The following DYSF variants were observed in gnomAD, a reference collection of about 807,000 sequenced individuals.
The protein encoded by DYSF is dystrophy-associated fer-1-like 1.
DYSF carries 212 observed loss-of-function variants against 274.9 expected under a neutral mutation model. That is an observed-to-expected ratio of 0.77 (90% CI 0.69 to 0.86). The LOEUF is 0.86. Ranked by LOEUF, DYSF falls within the 40% of genes least tolerant of loss-of-function variation. The pLI is 0.00. For synonymous variants in DYSF, 1,091 were observed against 1,078.7 expected, an observed-to-expected ratio of 1.01 and a Z score of -0.22; for missense variants, 2,666 against 2,783.2, an observed-to-expected ratio of 0.96 and a Z score of 0.95.
chr2:71,552,880 CACCCGT>C (rs2091047415), intron 19 of DYSF, 125 bp from the exon 20 acceptor site: 20 of 884,710 alleles, frequency 2.3e-5, no homozygotes, highest in African/African-American at 6.6e-5. Context: ...GGCTACTTGC[CACCCGT>C]CAGTCCAGCC....
chr2:71,660,433 G>A (rs1181416386), intron 44 of DYSF, 127 bp from the exon 45 acceptor site: 1 of 798,084 alleles, frequency 1.3e-6, no homozygotes, highest in Non-Finnish European at 2.2e-6. Flanking sequence ...TGTCTTGGCA[G>A]GACACAGCCC....
At chr2:71,490,855 T>C (rs746576503) in intron 3 of DYSF, among the ~76,000 whole-genome samples, 1 of 152,344 alleles carries the variant, frequency 6.6e-6, no homozygotes, top group African/African-American at 2.4e-5. Flanking sequence ...TGTACTCTCA[T>C]TGACTGATAT....
intron 33 of DYSF, among the ~76,000 whole-genome samples, chr2:71,599,727 G>T (rs886185666): frequency 1.5e-4 from 23 of 152,238 alleles, no homozygotes; most frequent in Non-Finnish European, 2.8e-4. Context: ...GATGAAAGGG[G>T]AGGGGCTGGG....
chr2:71,546,453 C>G (rs2090483338), intron 17 of DYSF, among the ~76,000 whole-genome samples: 1 of 152,228 alleles, frequency 6.6e-6, no homozygotes, highest in South Asian at 2.1e-4. Flanking sequence ...AGGGCAAGAC[C>G]TGACACTAAC....
upstream of DYSF, among the ~76,000 whole-genome samples, chr2:71,463,572 C>T (rs990282834): frequency 6.6e-6 from 1 of 152,236 alleles, no homozygotes; most frequent in Non-Finnish European, 1.5e-5. Context: ...GTGGCCACTC[C>T]AGATGGGCCG....
In DYSF at chr2:71,570,187, T is replaced by C. The variant is rs1559183210; in HGVS notation, c.2980-42T>C. On this transcript the variant is annotated intron_variant, in intron 27 of 55. Transcript: ENST00000410020. Reference sequence around the variant, plus strand: ...TTTTCTGCCTCCCTGCTCACATCTGTCTGTCTCCTCTCATTGCTTGCCTGT... The same window carrying C: ...TTTTCTGCCTCCCTGCTCACATCTGCCTGTCTCCTCTCATTGCTTGCCTGT... 3.2e-6 allele frequency: 5 copies of C among 1,561,052 alleles called. No individual in the cohort carries two copies. The South Asian group carries it at 4.4e-5, about 14-fold the overall frequency.
intron 43 of DYSF, among the ~76,000 whole-genome samples, chr2:71,656,796 G>A (rs2094781880): frequency 6.6e-6 from 1 of 152,128 alleles, no homozygotes; most frequent in Non-Finnish European, 1.5e-5. Flanking sequence ...AATAGCACGA[G>A]AAAGACTGGC....
Position 71,505,519 on chromosome 2 carries a change from T to C in DYSF, c.345+2200T>C, listed in dbSNP as rs147933983. Among the ~76,000 whole-genome samples the C allele has an allele frequency of 5.7e-3, 859 of 151,828 alleles. 10 individuals are homozygous for C. Among genetic ancestry groups the C allele is most frequent in the African/African-American group, 0.02 (809 of 41,372 alleles). On this transcript the variant is annotated intron_variant, in intron 4 of 55. Coordinates refer to ENST00000410020, the MANE Select transcript of DYSF (RefSeq NM_001130987.2). ...TGAGAGGCGTGGGGGAGGCCGGGAG[T>C]CCTGCCGCAGGCTGACTGCAGACCC...
intron 43 of DYSF, among the ~76,000 whole-genome samples, chr2:71,657,261 C>A (rs755316745): frequency 1.4e-4 from 21 of 152,242 alleles, no homozygotes; most frequent in Non-Finnish European, 2.8e-4. Flanking sequence ...CCAGGTCTCA[C>A]ATCTAGGTCA....
chr2:71,509,227 A>G (rs909538247), intron 4 of DYSF, among the ~76,000 whole-genome samples: 3 of 151,902 alleles, frequency 2.0e-5, no homozygotes, highest in Non-Finnish European at 4.4e-5. Context: ...CAGTGGTGTA[A>G]TCATGGCTCA....
At chr2:71,479,965 T>G (rs2082749350) in intron 1 of DYSF, among the ~76,000 whole-genome samples, 1 of 152,228 alleles carries the variant, frequency 6.6e-6, no homozygotes, top group African/African-American at 2.4e-5. Flanking sequence ...TATAATTTAA[T>G]TGGTTTTAGG....
chr2:71,654,184 C>G (rs2094723353), intron 42 of DYSF, among the ~76,000 whole-genome samples: 1 of 152,076 alleles, frequency 6.6e-6, no homozygotes, highest in Admixed American at 6.6e-5. Context: ...TAAATAAATG[C>G]AATTTAAAAT....
chr2:71,515,816 G>A (rs948944455), intron 8 of DYSF, 65 bp downstream of exon 8: 3 of 1,607,146 alleles, frequency 1.9e-6, no homozygotes, highest in Non-Finnish European at 2.6e-6. Flanking sequence ...GCCCAGTGCA[G>A]ACACCTGGCA....
intron 17 of DYSF, among the ~76,000 whole-genome samples, chr2:71,550,648 G>T (rs1426535083): frequency 6.6e-6 from 1 of 152,166 alleles, no homozygotes; most frequent in Non-Finnish European, 1.5e-5. Flanking sequence ...GCTGGGGGTG[G>T]GGCTGGGGAG....
chr2:71,661,427 C>T (rs2094879938), intron 45 of DYSF, among the ~76,000 whole-genome samples: 2 of 152,050 alleles, frequency 1.3e-5, no homozygotes, highest in Non-Finnish European at 2.9e-5. Flanking sequence ...CATGTTTTCC[C>T]ACTAATGTCC....
chr2:71,556,116 A>G, intron 22 of DYSF, 45 bp downstream of exon 22: 1 of 1,490,358 alleles, frequency 6.7e-7, no homozygotes, highest in Non-Finnish European at 9.1e-7. Flanking sequence ...TCCTGGCTCA[A>G]CTGGGCCTGT....
Position 71,686,648 on chromosome 2 carries a change from G to C in DYSF, c.*156G>C. 1.2e-6 allele frequency: 1 copy of C among 843,104 alleles called. No homozygotes were observed. Among genetic ancestry groups the C allele is most frequent in the Non-Finnish European group, 2.0e-6 (1 of 503,478 alleles). 52.2% of individuals were successfully genotyped at this position (843,104 alleles called of 1,614,324 possible). A position where few individuals can be genotyped will look rare whatever the true frequency, so the allele number is the denominator to read the frequency against. ...ACAGATGGACCGGCCCACACTCCCA[G>C]AGTTGCTAACATGGAGCTCTGAGAT... On this transcript the variant is annotated 3_prime_UTR_variant, in exon 56 of 56. Transcript: ENST00000410020.
chr2:71,643,530 C>T (rs1572917843), intron 41 of DYSF, among the ~76,000 whole-genome samples: 1 of 152,244 alleles, frequency 6.6e-6, no homozygotes, highest in East Asian at 1.9e-4. Flanking sequence ...TCTGAATTTT[C>T]CTGGATCTAC....
intron 43 of DYSF, among the ~76,000 whole-genome samples, chr2:71,658,072 C>T (rs2094806409): frequency 6.6e-6 from 1 of 152,206 alleles, no homozygotes; most frequent in South Asian, 2.1e-4. Context: ...ATGCTTTTAA[C>T]AGCACCCAAG....
Sources: allele counts gnomAD v4.1 joint callset (sites outside exome capture counted in the v4.1 genomes callset), GRCh38; gene constraint gnomAD v4.1.1; transcripts MANE v1.5; gene names NCBI Gene and HGNC (gene_info 2026-07-23, HGNC 2026-07-21).